The following DRC4 variants were observed in gnomAD, a reference collection of about 807,000 sequenced individuals.
DRC4 encodes GAS-11.
At chr16:90,021,823 C>A in the DRC4 span, among the ~76,000 whole-genome samples, 1 of 133,892 alleles carries the variant, frequency 7.5e-6, no homozygotes, top group African/African-American at 2.8e-5. Flanking sequence ...GAGTTGTGAT[C>A]ACAGCCTAGG....
At chr16:90,025,673 A>G in the DRC4 span, among the ~76,000 whole-genome samples, 208 of 129,892 alleles carry the variant, frequency 1.6e-3, no homozygotes, top group Middle Eastern at 8.8e-3. Flanking sequence ...AAAAAAAAAA[A>G]GAGAGTTCAA....
the DRC4 span, chr16:90,042,567 A>AC: frequency 1.6e-5 from 26 of 1,587,564 alleles, no homozygotes; most frequent in Non-Finnish European, 2.2e-5. Flanking sequence ...CCTCAGGGGC[A>AC]CCCCCTCGGT....
At chr16:90,027,582 A>G in the DRC4 span, 1 of 1,574,744 alleles carries the variant, frequency 6.4e-7, no homozygotes, top group Non-Finnish European at 8.7e-7. Context: ...AATCAGAGCC[A>G]GCCAAGAAGG....
the DRC4 span, chr16:90,040,656 T>TCACCTTCTG: frequency 3.6e-6 from 1 of 274,382 alleles, no homozygotes; most frequent in Non-Finnish European, 7.3e-6. Flanking sequence ...GTGGCCAGTT[T>TCACCTTCTG]CGGGCCAGTT....
At chr16:90,040,054 A>G in the DRC4 span, 1 of 547,988 alleles carries the variant, frequency 1.8e-6, no homozygotes, top group South Asian at 2.0e-5. Flanking sequence ...TATGGCTTCC[A>G]GAGACACCTT....
chr16:90,040,194 G>C, the DRC4 span: 2 of 1,095,712 alleles, frequency 1.8e-6, no homozygotes, highest in Non-Finnish European at 2.7e-6. Context: ...GCACTGTTGG[G>C]AGGCAGCGTG....
chr16:90,033,380 T>C, the DRC4 span, among the ~76,000 whole-genome samples: 2 of 151,914 alleles, frequency 1.3e-5, no homozygotes, highest in Admixed American at 6.5e-5. Context: ...AATTCATCTG[T>C]GCACCTGGTT....
chr16:90,035,931 T>C, the DRC4 span: 1 of 1,419,420 alleles, frequency 7.0e-7, no homozygotes, highest in Non-Finnish European at 9.2e-7. Flanking sequence ...CTAGCTAAAA[T>C]CAGTAGTTAT....
chr16:90,036,513 A>AGGC, the DRC4 span: 2 of 1,613,350 alleles, frequency 1.2e-6, no homozygotes, highest in Admixed American at 1.7e-5. Context: ...CGCCACGAGG[A>AGGC]GGCCTTCACC....
the DRC4 span, chr16:90,029,834 GC>G: frequency 1.8e-5 from 3 of 169,154 alleles, no homozygotes; most frequent in South Asian, 1.9e-4. Context: ...TCGGCTCACT[GC>G]AAGCTCCACC....
the DRC4 span, chr16:90,036,776 G>A: frequency 4.3e-6 from 3 of 704,276 alleles, no homozygotes; most frequent in African/African-American, 5.2e-5. Context: ...TCTACCTATT[G>A]TTAAAAGCAG....
the DRC4 span, chr16:90,036,405 A>T: frequency 6.2e-7 from 1 of 1,609,042 alleles, no homozygotes; most frequent in Non-Finnish European, 8.5e-7. Flanking sequence ...TATGATAAGA[A>T]GATGAAGATG....
the DRC4 span, chr16:90,042,581 C>T: frequency 6.5e-6 from 10 of 1,531,966 alleles, no homozygotes; most frequent in Non-Finnish European, 8.1e-6. Context: ...CCTCGGTGCC[C>T]AGACTGTTCT....
the DRC4 span, chr16:90,037,663 C>T: frequency 2.2e-5 from 27 of 1,210,608 alleles, no homozygotes; most frequent in Non-Finnish European, 2.8e-5. Context: ...GTCTTTCTGG[C>T]GATTATTTTT....
the DRC4 span, among the ~76,000 whole-genome samples, chr16:90,024,158 A>ACACACACACACACACACACACAC: frequency 6.6e-6 from 1 of 151,266 alleles, no homozygotes; most frequent in Middle Eastern, 3.4e-3. Context: ...ACACACACAC[A>ACACACACACACACACACACACAC]AAATTAGCCG....
the DRC4 span, chr16:90,037,882 G>A: frequency 1.3e-6 from 2 of 1,583,660 alleles, no homozygotes; most frequent in Non-Finnish European, 1.7e-6. Flanking sequence ...GCAGTTGGCG[G>A]TGGGTGTTAG....
the DRC4 span, among the ~76,000 whole-genome samples, chr16:90,026,976 G>A: frequency 1.3e-5 from 2 of 151,876 alleles, 1 homozygote; most frequent in South Asian, 4.1e-4. Context: ...GCAATGGTGG[G>A]ATCTTGGCTC....
chr16:90,029,101 T>C, the DRC4 span: 1 of 1,259,364 alleles, frequency 7.9e-7, no homozygotes, highest in African/African-American at 1.7e-5. Context: ...TTCCCATTCC[T>C]GTGGAGACAG....
chr16:90,035,154 C>T, the DRC4 span, among the ~76,000 whole-genome samples: 155 of 152,192 alleles, frequency 1.0e-3, no homozygotes, highest in African/African-American at 3.5e-3. Context: ...CTGTCCAGCT[C>T]GGCCTCCCAA....
Sources: gnomAD v4.1 joint callset for allele counts (sites outside exome capture counted in the v4.1 genomes callset) on GRCh38, gnomAD v4.1.1 for gene constraint, MANE v1.5 for transcripts, NCBI Gene and HGNC (gene_info 2026-07-23, HGNC 2026-07-21) for gene names.